Variants in RRP1B observed in about 807,000 individuals in gnomAD.
RRP1B encodes the protein ribosomal RNA processing protein 1 homolog B.
Under a neutral mutation model 80.2 loss-of-function variants are expected in RRP1B, and 56 were observed. That is an observed-to-expected ratio of 0.70 (90% CI 0.56 to 0.87). RRP1B has a LOEUF of 0.87. Ranked by LOEUF, RRP1B falls within the 40% of genes least tolerant of loss-of-function variation. The pLI is 0.00. For missense variants in RRP1B, 807 were observed against 939.8 expected, an observed-to-expected ratio of 0.86 and a Z score of 1.85; for synonymous variants, 351 against 357.6, an observed-to-expected ratio of 0.98 and a Z score of 0.21.
intron 5 of RRP1B, 77 bp downstream of exon 5, chr21:43,674,774 G>A (rs2083014833): frequency 7.6e-6 from 10 of 1,310,858 alleles, no homozygotes; most frequent in Non-Finnish European, 1.1e-5. Flanking sequence ...TTCTGAACTT[G>A]TAGAGTACCA....
At chr21:43,678,806 C>T (rs756313679) in intron 8 of RRP1B, among the ~76,000 whole-genome samples, 23 of 152,152 alleles carry the variant, frequency 1.5e-4, no homozygotes, top group Non-Finnish European at 2.2e-4. Flanking sequence ...TCATTGCATT[C>T]ACTTTTAGGT....
rs571908427 is a variant in RRP1B at position 43,671,622 on chromosome 21, C to T, written c.214-686C>T. On this transcript the variant is annotated intron_variant, in intron 2 of 15. Coordinates refer to ENST00000340648, the MANE Select transcript of RRP1B (RefSeq NM_015056.3). ...GACTCGAGCGATCCACCCGCCTCGG[C>T]CTCCCAAAGTGCTCGGGCTCCCATT... Among the ~76,000 whole-genome samples the T allele has an allele frequency of 1.5e-3, 234 of 152,250 alleles. 2 individuals are homozygous for T. The highest frequency in any genetic ancestry group is 5.4e-3 in the African/African-American group (223 of 41,514).
intron 12 of RRP1B, 75 bp downstream of exon 12, chr21:43,687,010 CTT>C: frequency 6.7e-7 from 1 of 1,500,622 alleles, no homozygotes; most frequent in Non-Finnish European, 9.1e-7. Context: ...GCCTCGGAGA[CTT>C]GAGCTCGTGC....
Position 43,685,913 on chromosome 21 carries a change from A to G in RRP1B, c.1009+124A>G, listed in dbSNP as rs144214739. The stretch of plus-strand genomic sequence containing the variant: ...CTTTACTGAAAACCTCTGATAAGAA[A>G]TAATAGTCCCTAGCCCAGGCAAAAT... On this transcript the variant is annotated intron_variant, in intron 11 of 15. Transcript: ENST00000340648. 3.3e-4 allele frequency: 430 copies of G among 1,284,134 alleles called. 1 individual carries two copies. Among genetic ancestry groups the G allele is most frequent in the Middle Eastern group, 2.1e-3 (11 of 5,152 alleles). The allele number at this position is 1,284,134 out of a possible 1,614,324, so 79.5% of individuals were successfully genotyped here. A position where few individuals can be genotyped will look rare whatever the true frequency, so the allele number is the denominator to read the frequency against.
intron 4 of RRP1B, among the ~76,000 whole-genome samples, chr21:43,674,348 G>T (rs1269939482): frequency 6.6e-6 from 1 of 152,130 alleles, no homozygotes; most frequent in Admixed American, 6.5e-5. Context: ...GTAGAGATAA[G>T]GGTTTGCCAT....
rs371930414 is a variant in RRP1B, at chr21:43,688,179, T to A, written c.1805T>A (p.Met602Lys). The A allele has an allele frequency of 4.1e-5, 64 of 1,575,502 alleles. No individual in the cohort carries two copies. Among genetic ancestry groups the A allele is most frequent in the Non-Finnish European group, 5.2e-5 (60 of 1,159,744 alleles). The change falls in exon 13 of 16, where the codon ATG (methionine) becomes AAG (lysine). Residue 602 changes from methionine to lysine, a missense_variant. Transcript: ENST00000340648. Reference protein sequence around the residue: ...SLKKRKKMRVMSNLVEHNGVL... With the variant: ...SLKKRKKMRVKSNLVEHNGVL... The stretch of plus-strand genomic sequence containing the variant: ...AAAAAGAGGAAGAAAATGAGAGTGA[T>A]GTCAAACTTGGTGGAGCACAACGGG...
intron 2 of RRP1B, 82 bp downstream of exon 2, chr21:43,670,048 C>T: frequency 1.1e-6 from 1 of 932,390 alleles, no homozygotes; most frequent in Non-Finnish European, 1.6e-6. Flanking sequence ...TGTGCCAGTC[C>T]CCCGATACAC....
At position 43,687,801 on chromosome 21, in the gene RRP1B, G is replaced by C; in HGVS notation, c.1427G>C (p.Arg476Pro). 1 of 1,613,278 alleles carries C rather than the reference G, an allele frequency of 6.2e-7. No individual in the cohort carries two copies. Among genetic ancestry groups the C allele is most frequent in the Non-Finnish European group, 8.5e-7 (1 of 1,180,046 alleles). ...ATGCACAATAAAAGGAAACGGCCAC[G>C]GAAGAAGAGCCCGAGGGCCCACAGG... ...VPMHNKRKRP[R>P]KKSPRAHREM... Residue 476 changes from arginine to proline, a missense_variant, in exon 13 of 16, where the codon CGG (arginine) becomes CCG (proline). By Grantham distance (103) the Arg-to-Pro change is moderately radical. Coordinates refer to ENST00000340648, the MANE Select transcript of RRP1B (RefSeq NM_015056.3).
At position 43,691,397 on chromosome 21, in the gene RRP1B, A is replaced by T; in HGVS notation, c.2020-42A>T. On this transcript the variant is annotated intron_variant, in intron 14 of 15. Coordinates refer to ENST00000340648, the MANE Select transcript of RRP1B (RefSeq NM_015056.3). This position sits in a 1 kb window ranked among gnomAD's most constrained non-coding sequence, Gnocchi z 4.2. ...AAATCTGACTAAGCGCCTCCACTGC[A>T]CTTGCGTCACTCCTTTTGTTCCTGT... The T allele has an allele frequency of 6.3e-7, 1 of 1,598,978 alleles. No individual in the cohort carries two copies. The highest frequency in any genetic ancestry group is 1.1e-5 in the South Asian group (1 of 90,674).
chr21:43,676,454 G>A (rs1425294943), intron 7 of RRP1B, 118 bp downstream of exon 7: 5 of 808,146 alleles, frequency 6.2e-6, no homozygotes, highest in African/African-American at 1.7e-5. Context: ...GAGAGCGGCT[G>A]GAGAAGACAG....
At chr21:43,692,905 C>A (rs536746395) in intron 15 of RRP1B, among the ~76,000 whole-genome samples, 2 of 152,244 alleles carry the variant, frequency 1.3e-5, no homozygotes, top group South Asian at 4.2e-4. Context: ...CACCCCCACC[C>A]CCAATGTTCA....
intron 10 of RRP1B, among the ~76,000 whole-genome samples, chr21:43,685,034 G>T (rs2083057802): frequency 6.6e-6 from 1 of 152,130 alleles, no homozygotes; most frequent in Non-Finnish European, 1.5e-5. Flanking sequence ...TATGCCAAAA[G>T]TGTTAGTTAA....
intron 1 of RRP1B, among the ~76,000 whole-genome samples, chr21:43,666,238 C>T (rs2082977577): frequency 2.0e-5 from 3 of 152,246 alleles, no homozygotes. Context: ...GTTTCTAGCT[C>T]TCTCCTTACT....
Position 43,693,391 on chromosome 21 carries a change from C to T in RRP1B, c.*8C>T. ...GCTATGGATTTCTTCTGAGGAGCAG[C>T]AGAGTCCCTTGTAAAAGACTGCTTT... On this transcript the variant is annotated 3_prime_UTR_variant, in exon 16 of 16. Coordinates refer to ENST00000340648, the MANE Select transcript of RRP1B (RefSeq NM_015056.3). This position sits in a 1 kb window ranked among gnomAD's most constrained non-coding sequence, Gnocchi z 4.1. The T allele has an allele frequency of 6.5e-7, 1 of 1,542,608 alleles. No homozygotes were observed. The highest frequency in any genetic ancestry group is 1.2e-5 in the South Asian group (1 of 82,802).
intron 1 of RRP1B, among the ~76,000 whole-genome samples, chr21:43,660,388 ACC>A (rs2082947479): frequency 6.6e-6 from 1 of 152,014 alleles, no homozygotes; most frequent in South Asian, 2.1e-4. Flanking sequence ...ACATGGTGAA[ACC>A]CCGGCTCTAC....
At chr21:43,666,243 C>T (rs545490273) in intron 1 of RRP1B, among the ~76,000 whole-genome samples, 1 of 152,250 alleles carries the variant, frequency 6.6e-6, no homozygotes, top group Non-Finnish European at 1.5e-5. Context: ...TAGCTCTCTC[C>T]TTACTGGACT....
intron 8 of RRP1B, among the ~76,000 whole-genome samples, chr21:43,677,435 A>T (rs1202164448): frequency 6.6e-6 from 1 of 152,200 alleles, no homozygotes; most frequent in Non-Finnish European, 1.5e-5. Context: ...TGTGCATTTG[A>T]AGTTGCAGGC....
chr21:43,665,471 G>A (rs889187694), intron 1 of RRP1B, among the ~76,000 whole-genome samples: 8 of 152,208 alleles, frequency 5.3e-5, no homozygotes, highest in Admixed American at 3.3e-4. Context: ...TGCAATAAAC[G>A]TGTTTTTATT....
chr21:43,684,367 G>A (rs747534070), intron 9 of RRP1B, among the ~76,000 whole-genome samples, 186 bp from the exon 10 acceptor site: 9 of 152,088 alleles, frequency 5.9e-5, no homozygotes, highest in African/African-American at 9.7e-5. Context: ...CACCGCGCCC[G>A]GCCTGAACAT....
Sources: allele counts gnomAD v4.1 joint callset (sites outside exome capture counted in the v4.1 genomes callset), GRCh38; gene constraint gnomAD v4.1.1; non-coding constraint Gnocchi (gnomAD v3.1); transcripts MANE v1.5; gene names NCBI Gene and HGNC (gene_info 2026-07-23, HGNC 2026-07-21).